ZFHX3: variants seen among roughly 807,000 people sequenced by gnomAD.
ZFHX3 encodes zinc finger homeobox protein 3.
Under a neutral mutation model 279.1 loss-of-function variants are expected in ZFHX3, and 42 were observed. That is an observed-to-expected ratio of 0.15 (90% CI 0.12 to 0.19). ZFHX3 has a LOEUF of 0.19. Ranked by LOEUF, ZFHX3 falls within the 10% of genes least tolerant of loss-of-function variation. The pLI is 1.00. For synonymous variants in ZFHX3, 2,293 were observed against 1,957.8 expected, an observed-to-expected ratio of 1.17 and a Z score of -4.52; for missense variants, 4,981 against 4,754.0, an observed-to-expected ratio of 1.05 and a Z score of -1.40.
chr16:72,963,661 CCTGTATCT>C (rs937535788), intron 1 of ZFHX3, among the ~76,000 whole-genome samples: 2 of 152,124 alleles, frequency 1.3e-5, no homozygotes, highest in African/African-American at 4.8e-5. Flanking sequence ...ACCCTGTTAC[CCTGTATCT>C]CCCTATTAAT....
At chr16:73,051,888 C>T (rs771633501), upstream of ZFHX3, among the ~76,000 whole-genome samples, 5 of 152,152 alleles carry the variant, frequency 3.3e-5, no homozygotes, top group Non-Finnish European at 5.9e-5. Context: ...CTTTTAAACA[C>T]AGGGGGATTC....
At chr16:73,485,877 A>G (rs1356537463) in intron 2 of ZFHX3, among the ~76,000 whole-genome samples, 2 of 151,996 alleles carry the variant, frequency 1.3e-5, no homozygotes, top group Non-Finnish European at 2.9e-5. Flanking sequence ...TCCTCCTACC[A>G]TCTGCTCTCA....
chr16:73,799,066 G>T (rs374374098), intron 1 of ZFHX3, among the ~76,000 whole-genome samples: 15 of 152,232 alleles, frequency 9.9e-5, no homozygotes, highest in Admixed American at 6.5e-4. Context: ...TTTGGAATTT[G>T]CAATGGGGTA....
rs913427247 is a variant in ZFHX3, at chr16:73,259,942, A to AT, written c.-1193-2807dup. Among the ~76,000 whole-genome samples, 71 of 152,274 alleles carry AT rather than the reference A, an allele frequency of 4.7e-4. 1 individual carries two copies. The highest frequency in any genetic ancestry group is 1.6e-3 in the African/African-American group (65 of 41,554). ...TACCTAATTTGTATATCTTATCCAA[A>AT]TTTTTTCAACTGCTTTACTATTGTC... is the stretch of plus-strand genomic sequence containing the variant. On this transcript the variant is annotated intron_variant, in intron 4 of 17. Coordinates refer to the ZFHX3 transcript ENST00000641206.
At chr16:73,513,883 T>C (rs1004465514) in intron 2 of ZFHX3, among the ~76,000 whole-genome samples, 1 of 152,054 alleles carries the variant, frequency 6.6e-6, no homozygotes, top group Non-Finnish European at 1.5e-5. Flanking sequence ...TCAGCTTTCC[T>C]TGCTTCTTGG....
At position 73,839,326 on chromosome 16, in the gene ZFHX3, CAAAAAAAAAAAAAAAAAAAAAAAA is replaced by C. The variant is rs777484716; in HGVS notation, c.-1608+52301_-1608+52324del. On this transcript the variant is annotated intron_variant, in intron 1 of 17. Coordinates refer to the ZFHX3 transcript ENST00000641206. ...GCAGCAACAGAGCAAGACTCCATCT[CAAAAAAAAAAAAAAAAAAAAAAAA>C]AAAAAAAAAAAAAAAAGTTAGGTCT... 3.7e-4 allele frequency among the ~76,000 whole-genome samples: 11 copies of C among 30,050 alleles called. No individual in the cohort carries two copies. In the East Asian group the frequency reaches 4.4e-3, roughly 12 times the overall value. 19.7% of individuals were successfully genotyped at this position (30,050 alleles called of 152,430 possible). A position where few individuals can be genotyped will look rare whatever the true frequency, so the allele number is the denominator to read the frequency against.
chr16:73,580,610 G>C (rs953635626), intron 2 of ZFHX3, among the ~76,000 whole-genome samples: 2 of 150,166 alleles, frequency 1.3e-5, no homozygotes, highest in East Asian at 3.9e-4. Flanking sequence ...TTTTTTTTTG[G>C]TTTCTTTTAG....
chr16:73,245,597 G>T (rs1203598774), intron 5 of ZFHX3, among the ~76,000 whole-genome samples: 6 of 152,240 alleles, frequency 3.9e-5, no homozygotes, highest in Admixed American at 3.9e-4. Flanking sequence ...AGCAAAGATG[G>T]TGTCCAAGGA....
intron 1 of ZFHX3, among the ~76,000 whole-genome samples, chr16:73,702,582 C>T (rs1233587208): frequency 1.3e-5 from 2 of 152,126 alleles, no homozygotes. Context: ...GTGCAGTTAT[C>T]GGCCCCTCCA....
intron 4 of ZFHX3, among the ~76,000 whole-genome samples, chr16:72,846,833 T>C (rs2037493807): frequency 6.6e-6 from 1 of 152,142 alleles, no homozygotes; most frequent in South Asian, 2.1e-4. Flanking sequence ...GGGGTAGAGC[T>C]GGCCTCACGG....
At chr16:73,670,247 ACAGAATT>A (rs1209666481) in intron 2 of ZFHX3, among the ~76,000 whole-genome samples, 1 of 152,192 alleles carries the variant, frequency 6.6e-6, no homozygotes, top group African/African-American at 2.4e-5. Flanking sequence ...CCAAGTTTTT[ACAGAATT>A]TAGAAAGTGT....
At chr16:73,529,936 G>GGT (rs10666234) in intron 2 of ZFHX3, among the ~76,000 whole-genome samples, 110,689 of 151,404 alleles carry the variant, frequency 0.73, 41,163 homozygotes, top group African/African-American at 0.85. Flanking sequence ...AAGTATTTTG[G>GGT]GTGTGTGTGT....
intron 7 of ZFHX3, among the ~76,000 whole-genome samples, chr16:73,097,042 C>T (rs998968188): frequency 8.6e-5 from 13 of 151,920 alleles, no homozygotes; most frequent in African/African-American, 3.1e-4. Context: ...CTCTGTCTCT[C>T]TCCCCCTCCT....
intron 7 of ZFHX3, among the ~76,000 whole-genome samples, chr16:73,104,533 T>C (rs2144790992): frequency 6.6e-6 from 1 of 152,190 alleles, no homozygotes; most frequent in East Asian, 1.9e-4. Flanking sequence ...CCCAGCCTCC[T>C]GTGGATTTCA....
intron 7 of ZFHX3, among the ~76,000 whole-genome samples, chr16:73,108,724 C>T (rs1303475366): frequency 6.6e-6 from 1 of 152,234 alleles, no homozygotes; most frequent in African/African-American, 2.4e-5. Context: ...CACTGTGGTT[C>T]TAACAGGGTT....
chr16:73,008,609 T>C (rs867472499), intron 1 of ZFHX3, among the ~76,000 whole-genome samples: 1 of 152,314 alleles, frequency 6.6e-6, no homozygotes, highest in Middle Eastern at 3.4e-3. Context: ...GGGAAGAGGA[T>C]GTTAAGTCTC....
chr16:72,844,700 C>T lies in ZFHX3; in HGVS notation c.3449-14841G>A, dbSNP rs77631158. Among the ~76,000 whole-genome samples, 506 of 152,182 alleles carry T rather than the reference C, an allele frequency of 3.3e-3. 2 individuals are homozygous for T. The highest frequency in any genetic ancestry group is 6.2e-3 in the Non-Finnish European group (419 of 68,010). Reference sequence around the variant, plus strand: ...CGCAGCAGGACATTGGCTTAGAGGTCGTTAAACCATGTGGCTGGTTGTGCG... The same window carrying T: ...CGCAGCAGGACATTGGCTTAGAGGTTGTTAAACCATGTGGCTGGTTGTGCG... On this transcript the variant is annotated intron_variant, in intron 4 of 9. Transcript: ENST00000268489.
intron 8 of ZFHX3, chr16:73,093,064 T>G: frequency 1.9e-6 from 1 of 520,106 alleles, no homozygotes; most frequent in South Asian, 1.4e-5. Context: ...ATCCTTTTGC[T>G]ATTTGACCCC....
At chr16:73,671,485 C>G (rs2052903602) in intron 2 of ZFHX3, among the ~76,000 whole-genome samples, 1 of 152,164 alleles carries the variant, frequency 6.6e-6, no homozygotes, top group East Asian at 1.9e-4. Context: ...GGAGCCTTTT[C>G]TGATTATTTT....
Sources: allele counts gnomAD v4.1 joint callset (sites outside exome capture counted in the v4.1 genomes callset), GRCh38; gene constraint gnomAD v4.1.1; transcripts MANE v1.5; gene names NCBI Gene and HGNC (gene_info 2026-07-23, HGNC 2026-07-21).